CAMKMT: variants seen among roughly 807,000 people sequenced by gnomAD.
The protein encoded by CAMKMT is CaM KMT.
CAMKMT carries 53 observed loss-of-function variants against 48.0 expected under a neutral mutation model. That is an observed-to-expected ratio of 1.10 (90% CI 0.89 to 1.39). The LOEUF (loss-of-function observed/expected upper bound fraction) is 1.39. CAMKMT is among the 40% of genes most tolerant of loss of function. The pLI is 0.00. For synonymous variants in CAMKMT, 165 were observed against 152.3 expected, an observed-to-expected ratio of 1.08 and a Z score of -0.61; for missense variants, 428 against 402.7, an observed-to-expected ratio of 1.06 and a Z score of -0.54.
At chr2:44,443,933 C>G (rs889618829) in intron 3 of CAMKMT, among the ~76,000 whole-genome samples, 1 of 152,080 alleles carries the variant, frequency 6.6e-6, no homozygotes, top group African/African-American at 2.4e-5. Context: ...AGAAAAAGTG[C>G]AAAGGCTTTT....
In CAMKMT at chr2:44,430,388, A is replaced by G. The variant is rs75134701; in HGVS notation, c.376+40083A>G. Among the ~76,000 whole-genome samples the G allele has an allele frequency of 4.8e-3, 727 of 151,830 alleles. 4 individuals are homozygous for G. Among genetic ancestry groups the G allele is most frequent in the Non-Finnish European group, 7.4e-3 (500 of 67,970 alleles). ...TTTTAGTAGGCAATTTTCATGTGTG[A>G]TGAAGTGAAATGTTGAGAAGGCAGC... On this transcript the variant is annotated intron_variant, in intron 3 of 10. Transcript: ENST00000378494.
intron 3 of CAMKMT, among the ~76,000 whole-genome samples, chr2:44,467,843 CA>C (rs1345670625): frequency 6.6e-6 from 1 of 152,052 alleles, no homozygotes; most frequent in African/African-American, 2.4e-5. Context: ...TCACCATGCA[CA>C]AAAATCATCT....
intron 3 of CAMKMT, among the ~76,000 whole-genome samples, chr2:44,444,005 G>A (rs574033479): frequency 2.2e-4 from 34 of 152,288 alleles, no homozygotes; most frequent in African/African-American, 7.7e-4. Flanking sequence ...AACACAAGAA[G>A]GGTATGCTGG....
intron 2 of CAMKMT, among the ~76,000 whole-genome samples, chr2:44,374,040 A>G (rs1346762292): frequency 1.5e-5 from 2 of 137,126 alleles, no homozygotes; most frequent in Non-Finnish European, 1.5e-5. Context: ...GGAAAGATTG[A>G]TTGAGCCCGG....
intron 3 of CAMKMT, among the ~76,000 whole-genome samples, chr2:44,481,598 G>T (rs546856090): frequency 2.6e-5 from 4 of 151,866 alleles, no homozygotes; most frequent in Non-Finnish European, 5.9e-5. Flanking sequence ...TGATCACTTT[G>T]TTCTAATTTG....
chr2:44,380,361 G>A (rs565415816), intron 2 of CAMKMT, among the ~76,000 whole-genome samples: 42 of 152,140 alleles, frequency 2.8e-4, no homozygotes, highest in African/African-American at 8.7e-4. Flanking sequence ...GCAAAAAATC[G>A]TAGTTGTCAC....
At chr2:44,760,038 G>A (rs76095831) in intron 9 of CAMKMT, among the ~76,000 whole-genome samples, 5,595 of 152,200 alleles carry the variant, frequency 0.037, 143 homozygotes, top group Non-Finnish European at 0.057. Flanking sequence ...ATTCCTATGC[G>A]CTGAGGAATG....
chr2:44,501,179 T>C (rs1246865844), intron 3 of CAMKMT, among the ~76,000 whole-genome samples: 5 of 152,066 alleles, frequency 3.3e-5, no homozygotes, highest in Non-Finnish European at 7.4e-5. Flanking sequence ...TTAATTTTTA[T>C]ATACAAATAT....
chr2:44,656,746 T>C (rs1408643235), intron 3 of CAMKMT, among the ~76,000 whole-genome samples: 1 of 149,800 alleles, frequency 6.7e-6, no homozygotes, highest in Non-Finnish European at 1.5e-5. Flanking sequence ...CCCTCATTAT[T>C]ATTCCCAAAT....
intron 7 of CAMKMT, among the ~76,000 whole-genome samples, chr2:44,725,047 A>C (rs552317581): frequency 6.6e-6 from 1 of 152,208 alleles, no homozygotes; most frequent in South Asian, 2.1e-4. Flanking sequence ...CCTCAAGACT[A>C]TCCCAGCTGA....
intron 3 of CAMKMT, among the ~76,000 whole-genome samples, chr2:44,404,425 T>A (rs1326127540): frequency 1.3e-5 from 2 of 152,112 alleles, no homozygotes; most frequent in Non-Finnish European, 2.9e-5. Flanking sequence ...GTTATTTTGT[T>A]ACATATTGGC....
At chr2:44,734,388 C>T (rs941307678) in intron 7 of CAMKMT, among the ~76,000 whole-genome samples, 1 of 151,688 alleles carries the variant, frequency 6.6e-6, no homozygotes, top group Admixed American at 6.6e-5. Flanking sequence ...TAGTTTAATT[C>T]CATTGTGGTC....
chr2:44,615,712 GT>G (rs1429498091), intron 3 of CAMKMT, among the ~76,000 whole-genome samples: 3 of 152,030 alleles, frequency 2.0e-5, no homozygotes, highest in Admixed American at 6.6e-5. Flanking sequence ...ATTGTAATGT[GT>G]TTTTTTAACC....
At chr2:44,534,699 A>G (rs1003349655) in intron 3 of CAMKMT, among the ~76,000 whole-genome samples, 2 of 152,186 alleles carry the variant, frequency 1.3e-5, no homozygotes, top group Non-Finnish European at 2.9e-5. Flanking sequence ...GAAACACAAC[A>G]TAACAAAATC....
At chr2:44,612,341 A>T (rs919905097) in intron 3 of CAMKMT, among the ~76,000 whole-genome samples, 1 of 152,224 alleles carries the variant, frequency 6.6e-6, no homozygotes, top group Non-Finnish European at 1.5e-5. Flanking sequence ...GAAAATTTTC[A>T]GTATCTCCCT....
chr2:44,594,309 T>C (rs977287706), intron 3 of CAMKMT, among the ~76,000 whole-genome samples: 1 of 151,972 alleles, frequency 6.6e-6, no homozygotes, highest in Non-Finnish European at 1.5e-5. Context: ...TGGAAAAAAC[T>C]ACTTTAAATT....
At chr2:44,588,615 CCGCCCGGCCAGCCGCCCAGTCCGG>C in intron 3 of CAMKMT, among the ~76,000 whole-genome samples, 1 of 44,356 alleles carries the variant, frequency 2.3e-5, no homozygotes, top group African/African-American at 9.6e-5. Context: ...GGTCAGCCCC[CCGCCCGGCCAGCCGCCCAGTCCGG>C]GAGGGAGGTG....
chr2:44,709,953 C>A (rs775805642), intron 6 of CAMKMT, among the ~76,000 whole-genome samples: 64 of 151,926 alleles, frequency 4.2e-4, no homozygotes, highest in Non-Finnish European at 6.9e-4. Context: ...TGAAAATTGG[C>A]CTGGCAATGG....
chr2:44,574,897 C>T (rs546661285), intron 3 of CAMKMT, among the ~76,000 whole-genome samples: 2 of 151,810 alleles, frequency 1.3e-5, no homozygotes, highest in Non-Finnish European at 2.9e-5. Flanking sequence ...TGAGCCACCA[C>T]GCCCAGCTAA....
Sources: allele counts gnomAD v4.1 joint callset (sites outside exome capture counted in the v4.1 genomes callset), GRCh38; gene constraint gnomAD v4.1.1; transcripts MANE v1.5; gene names NCBI Gene and HGNC (gene_info 2026-07-23, HGNC 2026-07-21).